POM121C: variants seen among roughly 807,000 people sequenced by gnomAD.
The protein encoded by POM121C is POM121 transmembrane nucleoporin C.
In POM121C, 20 loss-of-function variants were observed where a neutral mutation model predicts 66.4. The observed-to-expected ratio is 0.30, with a 90% CI of 0.21 to 0.44. The LOEUF is 0.44. Ranked by LOEUF, POM121C falls within the 20% of genes least tolerant of loss-of-function variation. The pLI is 1.00. For synonymous variants in POM121C, 286 were observed against 528.0 expected, an observed-to-expected ratio of 0.54 and a Z score of 6.28; for missense variants, 580 against 1,225.7, an observed-to-expected ratio of 0.47 and a Z score of 7.87.
chr7:75,464,856 C>CAAAAAA (rs35562594), intron 3 of POM121C, among the ~76,000 whole-genome samples: 2 of 28,782 alleles, frequency 6.9e-5, no homozygotes, highest in African/African-American at 2.2e-4. Flanking sequence ...AACTCCATCT[C>CAAAAAA]AAAAAAAAAA....
chr7:75,435,436 G>A (rs1447311390), intron 7 of POM121C, among the ~76,000 whole-genome samples: 1 of 152,152 alleles, frequency 6.6e-6, no homozygotes, highest in Non-Finnish European at 1.5e-5. Context: ...GAAAGGGATG[G>A]AAATTGAATT....
intron 6 of POM121C, among the ~76,000 whole-genome samples, chr7:75,438,854 T>A (rs1464223115): frequency 6.6e-6 from 1 of 152,272 alleles, no homozygotes; most frequent in Non-Finnish European, 1.5e-5. Context: ...TACTGTCTTA[T>A]CCGCTGCACA....
intron 6 of POM121C, 137 bp from the exon 7 acceptor site, chr7:75,437,823 C>G: frequency 2.2e-6 from 3 of 1,348,900 alleles, no homozygotes; most frequent in Non-Finnish European, 2.9e-6. Context: ...AACAATCTGG[C>G]CAAATCTATC....
intron 3 of POM121C, among the ~76,000 whole-genome samples, chr7:75,447,310 T>C (rs1354215434): frequency 3.3e-5 from 5 of 151,242 alleles, no homozygotes; most frequent in Admixed American, 3.3e-4. Context: ...ATGAAAAATA[T>C]AAACCCACAG....
At chr7:75,439,856 T>C (rs1379388868) in intron 5 of POM121C, among the ~76,000 whole-genome samples, 1 of 151,692 alleles carries the variant, frequency 6.6e-6, no homozygotes, top group Non-Finnish European at 1.5e-5. Context: ...CCATTTTCAT[T>C]AGGTTATTTT....
At chr7:75,435,189 G>A (rs1387499949) in intron 7 of POM121C, among the ~76,000 whole-genome samples, 1 of 152,182 alleles carries the variant, frequency 6.6e-6, no homozygotes, top group Non-Finnish European at 1.5e-5. Flanking sequence ...GTCAATAGAG[G>A]ACTAGAGTAC....
intron 7 of POM121C, among the ~76,000 whole-genome samples, chr7:75,435,806 T>C (rs1584666014): frequency 1.3e-5 from 2 of 152,194 alleles, no homozygotes; most frequent in South Asian, 2.1e-4. Flanking sequence ...TCCCAGCACT[T>C]TGGGAGGCCA....
chr7:75,433,166 C>G (rs587694712), intron 7 of POM121C, among the ~76,000 whole-genome samples: 1 of 122,492 alleles, frequency 8.2e-6, no homozygotes, highest in East Asian at 3.0e-4. Flanking sequence ...ACCCAGGAGG[C>G]GGAGATTGCA....
At chr7:75,478,380 A>C (rs587601663) in intron 1 of POM121C, among the ~76,000 whole-genome samples, 2 of 152,160 alleles carry the variant, frequency 1.3e-5, no homozygotes, top group East Asian at 3.9e-4. Flanking sequence ...CAGGCCATGG[A>C]GCAGGGAAGA....
At chr7:75,433,235 A>C (rs1790254711) in intron 7 of POM121C, among the ~76,000 whole-genome samples, 2 of 35,334 alleles carry the variant, frequency 5.7e-5, no homozygotes, top group South Asian at 1.8e-3. Context: ...ACTCTGTCTC[A>C]AAAAAAAAAA....
chr7:75,448,487 C>T (rs587607419), intron 3 of POM121C, among the ~76,000 whole-genome samples: 259 of 91,558 alleles, frequency 2.8e-3, no homozygotes, highest in Middle Eastern at 4.4e-3. Flanking sequence ...AAGCTCCCAT[C>T]ACCCAACAGA....
chr7:75,431,703 C>T lies in POM121C; in HGVS notation c.481-5250G>A, dbSNP rs143173600. ...CAGTGGCTCATGCCTGTAATCCCAG[C>T]ATTTTGGAAGGCTAAAGTGGGCAGG... On this transcript the variant is annotated intron_variant, in intron 7 of 14. Transcript: ENST00000615331. Among the ~76,000 whole-genome samples the T allele has an allele frequency of 4.3e-3, 651 of 151,572 alleles. 3 individuals carry two copies. Among genetic ancestry groups the T allele is most frequent in the African/African-American group, 0.015 (618 of 41,256 alleles).
Position 75,474,929 on chromosome 7 carries a change from C to T in POM121C, c.-330-47G>A, listed in dbSNP as rs1792018793. 1.6e-5 allele frequency: 17 copies of T among 1,081,954 alleles called. No individual in the cohort carries two copies. In the South Asian group the frequency reaches 1.8e-4, roughly 11 times the overall value. 67.0% of individuals were successfully genotyped at this position (1,081,954 alleles called of 1,614,324 possible). ...TTTTTTACCTTATCAAAGTTAGAAC[C>T]TTTCAATGAAGAATAATATAAACAC... On this transcript the variant is annotated intron_variant, in intron 2 of 14. Coordinates refer to ENST00000615331, the MANE Select transcript of POM121C (RefSeq NM_001099415.3).
chr7:75,456,107 C>T (rs1471647935), intron 3 of POM121C, among the ~76,000 whole-genome samples: 7 of 152,248 alleles, frequency 4.6e-5, no homozygotes, highest in Admixed American at 2.6e-4. Context: ...GGCATGGTGG[C>T]GTGAACCTGT....
chr7:75,416,958 A>G lies in POM121C; in HGVS notation c.*1838T>C. On this transcript the variant is annotated 3_prime_UTR_variant, in exon 15 of 15. Transcript: ENST00000615331. ...ACTGTACACATCCACACTCACTCTC[A>G]CTCAGGGTTCCCGGACCGGCTGTCC... 1 of 1,378,682 alleles carries G rather than the reference A, an allele frequency of 7.3e-7. No individual in the cohort carries two copies. The highest frequency in any genetic ancestry group is 1.5e-5 in the African/African-American group (1 of 68,860). 85.4% of individuals were successfully genotyped at this position (1,378,682 alleles called of 1,614,324 possible).
intron 3 of POM121C, among the ~76,000 whole-genome samples, chr7:75,449,304 A>G (rs1790940819): frequency 6.7e-6 from 1 of 150,050 alleles, no homozygotes; most frequent in South Asian, 2.1e-4. Flanking sequence ...AAGGCAAACA[A>G]TCTACACAGG....
intron 3 of POM121C, among the ~76,000 whole-genome samples, chr7:75,471,964 C>T (rs2116517459): frequency 6.6e-6 from 1 of 152,168 alleles, no homozygotes; most frequent in East Asian, 2.0e-4. Context: ...CCGCTCACTG[C>T]AAGCTCTGCC....
intron 3 of POM121C, among the ~76,000 whole-genome samples, chr7:75,455,000 C>T (rs1455866195): frequency 1.3e-5 from 2 of 152,200 alleles, no homozygotes; most frequent in African/African-American, 4.8e-5. Context: ...AGAGGTCTGT[C>T]TTTCAAATAA....
At chr7:75,479,161 T>C (rs1307366316) in intron 1 of POM121C, among the ~76,000 whole-genome samples, 2 of 152,056 alleles carry the variant, frequency 1.3e-5, no homozygotes, top group African/African-American at 4.8e-5. Flanking sequence ...ATGAAGACAT[T>C]TGCAGACATA....
Sources: gnomAD v4.1 joint callset for allele counts (sites outside exome capture counted in the v4.1 genomes callset) on GRCh38, gnomAD v4.1.1 for gene constraint, MANE v1.5 for transcripts, NCBI Gene and HGNC (gene_info 2026-07-23, HGNC 2026-07-21) for gene names.